ATAD2B: variants seen among roughly 807,000 people sequenced by gnomAD.
ATAD2B encodes ATPase family AAA domain containing 2B.
Under a neutral mutation model 167.6 loss-of-function variants are expected in ATAD2B, and 40 were observed. The ratio of observed to expected loss-of-function variants is 0.24; its 90% CI spans 0.19 to 0.31. The LOEUF (loss-of-function observed/expected upper bound fraction) is 0.31. Ranked by LOEUF, ATAD2B falls within the 10% of genes least tolerant of loss-of-function variation. ATAD2B has a pLI of 1.00. For missense variants in ATAD2B, 1,242 were observed against 1,757.2 expected (o/e 0.71, Z 5.24); for synonymous variants, 579 against 596.5 (o/e 0.97, Z 0.43).
chr2:23,906,064 C>A lies in ATAD2B; in HGVS notation c.217-10094G>T, dbSNP rs74703304. Among the ~76,000 whole-genome samples the A allele has an allele frequency of 3.8e-3, 583 of 152,126 alleles. 12 individuals carry two copies. In the East Asian group the frequency reaches 0.052, roughly 14 times the overall value. On this transcript the variant is annotated intron_variant, in intron 1 of 27. Transcript: ENST00000238789. The stretch of plus-strand genomic sequence containing the variant: ...CTAAAAGAGAAAGGTCGGCTGGGTG[C>A]GGTGGCTCACACCTGTAATCCCGAT...
intron 23 of ATAD2B, among the ~76,000 whole-genome samples, chr2:23,764,103 T>A (rs1572657372): frequency 6.6e-6 from 1 of 152,354 alleles, no homozygotes; most frequent in South Asian, 2.1e-4. Flanking sequence ...TTCATTTTTC[T>A]TGGGTAGATT....
chr2:23,823,521 A>G lies in ATAD2B; in HGVS notation c.1868T>C (p.Ile623Thr). ...CTGGGGATAACGCCTCCGCAGTGCA[A>G]TCAGGGCGGCTTCAGTGCACAGGGC... ...IKALCTEAALIALRRRYPQIY... is the reference protein window; with the variant it reads ...IKALCTEAALTALRRRYPQIY... Residue 623 changes from isoleucine to threonine, a missense_variant, in exon 16 of 28, where the codon ATT (isoleucine) becomes ACT (threonine). Transcript: ENST00000238789. 1.2e-6 allele frequency: 2 copies of G among 1,613,428 alleles called. No individual in the cohort carries two copies. The highest frequency in any genetic ancestry group is 1.7e-6 in the Non-Finnish European group (2 of 1,179,878).
chr2:23,696,760 C>A, the ATAD2B span: 3 of 424,032 alleles, frequency 7.1e-6, no homozygotes, highest in Non-Finnish European at 1.3e-5. This position sits in a 1 kb window ranked among gnomAD's most constrained non-coding sequence, Gnocchi z 5.5. Flanking sequence ...CGCTTCTGTC[C>A]CGACAACCCA....
At chr2:23,839,058 C>CTT (rs1375126519) in intron 13 of ATAD2B, among the ~76,000 whole-genome samples, 2 of 152,116 alleles carry the variant, frequency 1.3e-5, no homozygotes. Flanking sequence ...CAAACAGTAA[C>CTT]TTTTCATTTT....
intron 1 of ATAD2B, among the ~76,000 whole-genome samples, chr2:23,906,804 T>C (rs935209290): frequency 2.0e-5 from 3 of 151,994 alleles, no homozygotes; most frequent in Admixed American, 6.6e-5. Flanking sequence ...GATGCAAGGC[T>C]GGTTCAATAC....
At chr2:23,836,661 G>A (rs989316778) in intron 13 of ATAD2B, among the ~76,000 whole-genome samples, 2 of 152,000 alleles carry the variant, frequency 1.3e-5, no homozygotes, top group African/African-American at 2.4e-5. Context: ...CAGGCAGGTC[G>A]TCATGTTGAG....
rs921943669 is a variant in ATAD2B, at chr2:23,923,876, T to A, written c.216+2679A>T. ...AAAAGGGGGAAAAATAGGCATCAAGTGTAGTTAGTTAAGAACATGGCACAG... is the reference window on the plus strand; with the variant it reads ...AAAAGGGGGAAAAATAGGCATCAAGAGTAGTTAGTTAAGAACATGGCACAG... On this transcript the variant is annotated intron_variant, in intron 1 of 27. Transcript: ENST00000238789. Among the ~76,000 whole-genome samples the A allele has an allele frequency of 2.0e-5, 3 of 152,068 alleles. No homozygotes were observed. The East Asian group carries it at 5.8e-4, about 29-fold the overall frequency.
chr2:23,819,757 G>A lies in ATAD2B; in HGVS notation c.2257C>T (p.His753Tyr), dbSNP rs751375726. Residue 753 changes from histidine to tyrosine, a missense_variant, in exon 17 of 28, where the codon CAT (histidine) becomes TAT (tyrosine). His to Tyr is a moderately conservative substitution (Grantham distance 83, BLOSUM62 2). Around this residue, in one of 9 missense-constraint regions of ATAD2B, gnomAD observed 145 missense variants for 181.9 expected, o/e 0.80. Transcript: ENST00000238789. ...SSAAIHKPYLHFTMSPYHQPT... is the reference protein window; with the variant it reads ...SSAAIHKPYLYFTMSPYHQPT... ...ATATAAATCACTCACATTGTAAAAT[G>A]AAGGTAGGGTTTATGTATAGCAGCA... The A allele has an allele frequency of 3.1e-6, 5 of 1,597,892 alleles. No individual in the cohort carries two copies. In the African/African-American group the frequency reaches 6.7e-5, roughly 22 times the overall value.
At position 23,845,775 on chromosome 2, in the gene ATAD2B, T is replaced by C. The variant is rs995219716; in HGVS notation, c.1568+11640A>G. 6.0e-4 allele frequency among the ~76,000 whole-genome samples: 91 copies of C among 150,644 alleles called. No individual in the cohort carries two copies. In the Middle Eastern group the frequency reaches 0.01, roughly 17 times the overall value. ...TTGTAGTTTTTGTAGAGACTGGGTT[T>C]CACTATGTTGGCCAGGCTGGTCTCA... On this transcript the variant is annotated intron_variant, in intron 13 of 27. Coordinates refer to ENST00000238789, the MANE Select transcript of ATAD2B (RefSeq NM_017552.4).
At chr2:23,769,311 G>T (rs974748792) in intron 22 of ATAD2B, among the ~76,000 whole-genome samples, 5 of 152,050 alleles carry the variant, frequency 3.3e-5, no homozygotes, top group African/African-American at 1.2e-4. Context: ...CGTGGAGGCA[G>T]GCGCCTGTAA....
At chr2:23,783,285 T>G (rs780818954) in intron 21 of ATAD2B, among the ~76,000 whole-genome samples, 2 of 136,894 alleles carry the variant, frequency 1.5e-5, no homozygotes, top group Non-Finnish European at 3.2e-5. Flanking sequence ...CCATGTCAGC[T>G]TTTTTTTTTT....
intron 25 of ATAD2B, 70 bp from the exon 26 acceptor site, chr2:23,754,844 A>C: frequency 6.8e-7 from 1 of 1,479,654 alleles, no homozygotes; most frequent in Non-Finnish European, 9.2e-7. Flanking sequence ...AGCAGTTATA[A>C]ATTCTTTTAC....
the ATAD2B span, among the ~76,000 whole-genome samples, chr2:23,701,907 T>TC: frequency 6.6e-6 from 1 of 151,108 alleles, no homozygotes; most frequent in Non-Finnish European, 1.5e-5. Flanking sequence ...TTCAAGCAGT[T>TC]CTTCTGCCTC....
chr2:23,834,337 T>C (rs1182077132), intron 13 of ATAD2B, among the ~76,000 whole-genome samples: 2 of 151,832 alleles, frequency 1.3e-5, no homozygotes, highest in Admixed American at 6.6e-5. Context: ...AATTTTTGTA[T>C]TTTTAGTAGA....
chr2:23,895,747 T>C, intron 2 of ATAD2B, 72 bp downstream of exon 2: 2 of 1,114,844 alleles, frequency 1.8e-6, no homozygotes, highest in Non-Finnish European at 2.5e-6. Flanking sequence ...CTAAGAAAAT[T>C]AGCATTAATA....
intron 17 of ATAD2B, among the ~76,000 whole-genome samples, chr2:23,817,946 T>C (rs1686698441): frequency 6.6e-6 from 1 of 152,112 alleles, no homozygotes; most frequent in South Asian, 2.1e-4. Context: ...CTTTCTAATA[T>C]CAAAATCTAT....
At chr2:23,745,422 A>AAGGAAGGAAGGAAGGAAGTAAGG (rs1491261605), downstream of ATAD2B, among the ~76,000 whole-genome samples, 1 of 85,012 alleles carries the variant, frequency 1.2e-5, no homozygotes, top group Non-Finnish European at 2.4e-5. Context: ...GGAAGGAAGG[A>AAGGAAGGAAGGAAGGAAGTAAGG]AAGGGAAGGG....
intron 10 of ATAD2B, among the ~76,000 whole-genome samples, chr2:23,866,763 C>T (rs1329948208): frequency 1.3e-5 from 2 of 152,058 alleles, no homozygotes; most frequent in Non-Finnish European, 2.9e-5. Flanking sequence ...AGTATATATG[C>T]AATTCTATTT....
Position 23,783,025 on chromosome 2 carries a change from A to C in ATAD2B, c.2977T>G (p.Ser993Ala). The stretch of plus-strand genomic sequence containing the variant: ...TCCTTGATTACTTCAAGATAATCTG[A>C]AACCTAAAACAGATATTTTAATAAA... The part of the protein sequence containing the change: ...FSKPVDIEEV[S>A]DYLEVIKEPM... Residue 993 changes from serine to alanine, a missense_variant, in exon 22 of 28, where the codon TCA (serine) becomes GCA (alanine). Ser to Ala is a moderately conservative substitution (Grantham distance 99, BLOSUM62 1). Around this residue, in one of 9 missense-constraint regions of ATAD2B, gnomAD observed 204 missense variants for 324.0 expected, o/e 0.63. Transcript: ENST00000238789. 1 of 1,451,970 alleles carries C rather than the reference A, an allele frequency of 6.9e-7. No individual in the cohort carries two copies. Among genetic ancestry groups the C allele is most frequent in the East Asian group, 2.4e-5 (1 of 42,284 alleles). The allele number at this position is 1,451,970 out of a possible 1,614,324, so 89.9% of individuals were successfully genotyped here.
Sources: allele counts gnomAD v4.1 joint callset (sites outside exome capture counted in the v4.1 genomes callset), GRCh38; gene constraint gnomAD v4.1.1; regional missense constraint gnomAD v4.1.1; non-coding constraint Gnocchi (gnomAD v3.1); transcripts MANE v1.5; gene names NCBI Gene and HGNC (gene_info 2026-07-23, HGNC 2026-07-21).